TP53BP2: variants seen among roughly 807,000 people sequenced by gnomAD.
The protein encoded by TP53BP2 is apoptosis-stimulating of p53 protein 2.
TP53BP2 carries 62 observed loss-of-function variants against 126.2 expected under a neutral mutation model. That is an observed-to-expected ratio of 0.49 (90% CI 0.40 to 0.61). The LOEUF (loss-of-function observed/expected upper bound fraction) is 0.61. TP53BP2 is among the 20% of genes least tolerant of loss of function. TP53BP2 has a pLI of 0.00. For synonymous variants in TP53BP2, 485 were observed against 502.9 expected (o/e 0.96, Z 0.48); for missense variants, 1,215 against 1,402.8 (o/e 0.87, Z 2.14).
chr1:223,821,596 A>ACAGT, intron 1 of TP53BP2: 1 of 690,460 alleles, frequency 1.4e-6, no homozygotes, highest in Non-Finnish European at 2.7e-6. Context: ...ACCCTAGAAT[A>ACAGT]CAGTCACATC....
intron 1 of TP53BP2, among the ~76,000 whole-genome samples, chr1:223,839,372 G>T (rs1159226900): frequency 6.6e-6 from 1 of 152,126 alleles, no homozygotes; most frequent in African/African-American, 2.4e-5. Context: ...ACAGAAAGGG[G>T]GCTCCTCTTC....
At chr1:223,781,287 A>G (rs1024262434) in intron 17 of TP53BP2, among the ~76,000 whole-genome samples, 7 of 152,250 alleles carry the variant, frequency 4.6e-5, no homozygotes, top group African/African-American at 1.7e-4. Flanking sequence ...AGGAAGGAAG[A>G]AAGAGACTGA....
At chr1:223,807,096 C>A in intron 4 of TP53BP2, 149 bp from the exon 5 acceptor site, 1 of 561,462 alleles carries the variant, frequency 1.8e-6, no homozygotes, top group Non-Finnish European at 3.2e-6. Context: ...TCAAGCAGAC[C>A]ATTAATTCTT....
intron 13 of TP53BP2, among the ~76,000 whole-genome samples, chr1:223,793,913 A>G (rs1170583913): frequency 6.6e-6 from 1 of 152,184 alleles, no homozygotes; most frequent in African/African-American, 2.4e-5. Flanking sequence ...ATTAACCCTC[A>G]CAAAAACCCT....
At chr1:223,810,542 T>G in intron 3 of TP53BP2, 29 bp from the exon 4 acceptor site, 1 of 1,440,970 alleles carries the variant, frequency 6.9e-7, no homozygotes, top group Non-Finnish European at 9.6e-7. Context: ...AACTATGCAT[T>G]AACACTAGAG....
At chr1:223,781,378 A>C (rs1439876759) in intron 17 of TP53BP2, among the ~76,000 whole-genome samples, 1 of 152,218 alleles carries the variant, frequency 6.6e-6, no homozygotes, top group Non-Finnish European at 1.5e-5. Context: ...CCACAGATTA[A>C]AAGTCTATAA....
At chr1:223,818,486 G>C (rs1206991023) in intron 2 of TP53BP2, 2 of 131,986 alleles carry the variant, frequency 1.5e-5, no homozygotes, top group Admixed American at 8.3e-5. Flanking sequence ...CCTGGTGACA[G>C]AGCAAGACTC....
chr1:223,786,669 T>C (rs1017577038), intron 16 of TP53BP2, among the ~76,000 whole-genome samples: 11 of 151,298 alleles, frequency 7.3e-5, no homozygotes, highest in African/African-American at 9.7e-5. Flanking sequence ...TGCAGTGGCG[T>C]GATCTCAGCT....
rs576875971 is a variant in TP53BP2, at chr1:223,786,875, G to T, written c.3163+2133C>A. On this transcript the variant is annotated intron_variant, in intron 16 of 17. Coordinates refer to ENST00000343537, the MANE Select transcript of TP53BP2 (RefSeq NM_001031685.3). ...CCCACGTCGGCCTCCCAAAGTGCTG[G>T]GATTATAGGCGTGAGCCACCGCGCC... 2.0e-5 allele frequency among the ~76,000 whole-genome samples: 3 copies of T among 151,506 alleles called. No homozygotes were observed. In the South Asian group the frequency reaches 6.2e-4, roughly 32 times the overall value.
rs1662305074 is a variant in TP53BP2, at chr1:223,795,930, T to C, written c.2609A>G (p.Glu870Gly). The C allele has an allele frequency of 6.2e-7, 1 of 1,614,078 alleles. No individual in the cohort carries two copies. The highest frequency in any genetic ancestry group is 8.5e-7 in the Non-Finnish European group (1 of 1,179,970). ...TGGGGGTGGGTATGGAGGGTACTCC[T>C]CCAGGTACACATCAAGCACATGTGG... ...EAPHVLDVYL[E>G]EYPPYPPPPY... The change falls in exon 13 of 18, where the codon GAG becomes GGG. Residue 870 changes from glutamate (E) to glycine (G), a missense_variant. Glu to Gly is a moderately conservative substitution (Grantham distance 98). Around this residue, in one of 4 missense-constraint regions of TP53BP2, gnomAD observed 204 missense variants for 225.7 expected, o/e 0.90. Coordinates refer to ENST00000343537, the MANE Select transcript of TP53BP2 (RefSeq NM_001031685.3).
intron 16 of TP53BP2, among the ~76,000 whole-genome samples, chr1:223,787,378 T>C (rs1662006402): frequency 6.6e-6 from 1 of 150,802 alleles, no homozygotes; most frequent in African/African-American, 2.4e-5. Flanking sequence ...TACATAAATA[T>C]ATAAAATTTA....
intron 13 of TP53BP2, among the ~76,000 whole-genome samples, chr1:223,793,807 T>G (rs1662226463): frequency 6.6e-6 from 1 of 152,214 alleles, no homozygotes; most frequent in Admixed American, 6.6e-5. Context: ...GTCTTTAGAC[T>G]GCCTATCTAA....
chr1:223,825,584 G>A (rs1663468140), intron 1 of TP53BP2, among the ~76,000 whole-genome samples: 1 of 152,188 alleles, frequency 6.6e-6, no homozygotes. Context: ...GAGAGAGTGT[G>A]TTGTCCACTC....
intron 3 of TP53BP2, among the ~76,000 whole-genome samples, chr1:223,811,391 T>C (rs1662903135): frequency 1.3e-5 from 2 of 152,136 alleles, no homozygotes; most frequent in South Asian, 4.1e-4. Flanking sequence ...CCATTGCTAA[T>C]AAACAAATAA....
Position 223,784,132 on chromosome 1 carries a change from G to A in TP53BP2, c.3346C>T (p.Pro1116Ser). ...TAACTTACTCCCAGCAAGTTACGTG[G>A]AACATATCCCTCCTTATCATTAAGG... is the stretch of plus-strand genomic sequence containing the variant. ...ARLNDKEGYVPRNLLGLYPRI... is the reference protein window; with the variant it reads ...ARLNDKEGYVSRNLLGLYPRI... The change falls in exon 17 of 18, where the codon CCA (proline) becomes TCA (serine). Residue 1116 changes from proline to serine, a missense_variant. By Grantham distance (74) the Pro-to-Ser change is moderately conservative. This residue lies in a region of TP53BP2 where 151 missense variants were observed against 231.2 expected (regional missense o/e 0.65). Transcript: ENST00000343537. The A allele has an allele frequency of 1.2e-6, 2 of 1,614,124 alleles. No individual in the cohort carries two copies. Among genetic ancestry groups the A allele is most frequent in the Non-Finnish European group, 1.7e-6 (2 of 1,179,992 alleles).
At chr1:223,793,814 C>G (rs1662226629) in intron 13 of TP53BP2, among the ~76,000 whole-genome samples, 1 of 152,186 alleles carries the variant, frequency 6.6e-6, no homozygotes, top group African/African-American at 2.4e-5. Flanking sequence ...GACTGCCTAT[C>G]TAATACAGTA....
At chr1:223,814,038 C>T (rs1663001658) in intron 3 of TP53BP2, 1 of 518,320 alleles carries the variant, frequency 1.9e-6, no homozygotes, top group African/African-American at 2.1e-5. Context: ...TAGTTTCAAC[C>T]CCCTGCTCTA....
At position 223,796,663 on chromosome 1, in the gene TP53BP2, T is replaced by C; in HGVS notation, c.1949-73A>G. 3.7e-6 allele frequency: 5 copies of C among 1,363,356 alleles called. No individual in the cohort carries two copies. The highest frequency in any genetic ancestry group is 4.9e-6 in the Non-Finnish European group (5 of 1,012,394). The allele number at this position is 1,363,356 out of a possible 1,614,324, so 84.5% of individuals were successfully genotyped here. ...AAAACTGGCAAGAAACAGAAACAGC[T>C]AACAATAACTAAAGCCTCTTTTAAT... On this transcript the variant is annotated intron_variant, in intron 12 of 17. Coordinates refer to ENST00000343537, the MANE Select transcript of TP53BP2 (RefSeq NM_001031685.3). This position sits in a 1 kb window ranked among gnomAD's most constrained non-coding sequence, Gnocchi z 4.2.
chr1:223,839,224 T>A (rs1664023596), intron 1 of TP53BP2, among the ~76,000 whole-genome samples: 1 of 152,338 alleles, frequency 6.6e-6, no homozygotes, highest in South Asian at 2.1e-4. Flanking sequence ...TTTCTACTAG[T>A]GACCAGAAAC....
Sources: allele counts gnomAD v4.1 joint callset (sites outside exome capture counted in the v4.1 genomes callset), GRCh38; gene constraint gnomAD v4.1.1; regional missense constraint gnomAD v4.1.1; non-coding constraint Gnocchi (gnomAD v3.1); transcripts MANE v1.5; gene names NCBI Gene and HGNC (gene_info 2026-07-23, HGNC 2026-07-21).